Variants in FRMD6 observed in about 807,000 individuals in gnomAD.
FRMD6 encodes FERM domain containing 6.
In FRMD6, 37 loss-of-function variants were observed where a neutral mutation model predicts 73.2. The ratio of observed to expected loss-of-function variants is 0.51; its 90% CI spans 0.39 to 0.66. FRMD6 has a LOEUF of 0.66. Ranked by LOEUF, FRMD6 falls within the 30% of genes least tolerant of loss-of-function variation. FRMD6 has a pLI of 0.00. For missense variants in FRMD6, 714 were observed against 780.5 expected (o/e 0.91, Z 1.02); for synonymous variants, 273 against 282.2 (o/e 0.97, Z 0.33).
chr14:51,526,950 G>A (rs1885287483), intron 1 of FRMD6, among the ~76,000 whole-genome samples: 1 of 152,172 alleles, frequency 6.6e-6, no homozygotes, highest in Admixed American at 6.5e-5. Context: ...CTAAATACCT[G>A]GCAAGAAGGA....
At chr14:51,423,927 A>G in the FRMD6 span, among the ~76,000 whole-genome samples, 1,544 of 152,350 alleles carry the variant, frequency 0.01, 13 homozygotes, top group Non-Finnish European at 0.017. Flanking sequence ...AAAATGTATA[A>G]TTCTTGAATA....
the FRMD6 span, among the ~76,000 whole-genome samples, chr14:51,455,988 G>A: frequency 6.6e-6 from 1 of 152,174 alleles, no homozygotes; most frequent in African/African-American, 2.4e-5. Context: ...TTTTCAGGCA[G>A]TGGGTGGGTG....
chr14:51,535,479 A>G lies in FRMD6; in HGVS notation c.-209-34869A>G, dbSNP rs534537687. Among the ~76,000 whole-genome samples the G allele has an allele frequency of 2.0e-5, 3 of 152,352 alleles. No homozygotes were observed. In the South Asian group the frequency reaches 6.2e-4, roughly 32 times the overall value. On this transcript the variant is annotated intron_variant, in intron 1 of 14. Transcript: ENST00000356218. The stretch of plus-strand genomic sequence containing the variant: ...TGCCTATTATGGACATGGAATATGT[A>G]TAGTCTTTTGAGACTGGCTTCTTTC...
At chr14:51,422,680 G>T in the FRMD6 span, among the ~76,000 whole-genome samples, 16 of 152,244 alleles carry the variant, frequency 1.1e-4, no homozygotes, top group South Asian at 2.9e-3. Flanking sequence ...TCATATTTTG[G>T]AAACATTTCA....
chr14:51,434,688 A>G, the FRMD6 span, among the ~76,000 whole-genome samples: 1 of 152,218 alleles, frequency 6.6e-6, no homozygotes, highest in Non-Finnish European at 1.5e-5. Context: ...ATCATTGGGC[A>G]CTAAAATTAA....
chr14:51,478,323 G>A, the FRMD6 span, among the ~76,000 whole-genome samples: 1 of 152,140 alleles, frequency 6.6e-6, no homozygotes, highest in Non-Finnish European at 1.5e-5. Context: ...CTTCTCATTG[G>A]ATTTTTTTTC....
chr14:51,500,740 A>G (rs1883571956), intron 1 of FRMD6, among the ~76,000 whole-genome samples: 1 of 152,128 alleles, frequency 6.6e-6, no homozygotes, highest in Non-Finnish European at 1.5e-5. Context: ...GATTATATAT[A>G]TGTACATATA....
chr14:51,493,461 T>C (rs993463873), intron 1 of FRMD6, among the ~76,000 whole-genome samples: 5 of 152,142 alleles, frequency 3.3e-5, no homozygotes, highest in Non-Finnish European at 5.9e-5. Context: ...CGAGATCTGA[T>C]GGTTTTATAA....
chr14:51,429,690 A>G, the FRMD6 span, among the ~76,000 whole-genome samples: 2 of 152,222 alleles, frequency 1.3e-5, no homozygotes, highest in Non-Finnish European at 2.9e-5. Context: ...ACAAAGTCCC[A>G]GCTTTGACAT....
the FRMD6 span, among the ~76,000 whole-genome samples, chr14:51,408,295 G>A: frequency 2.0e-5 from 3 of 151,724 alleles, no homozygotes; most frequent in African/African-American, 7.3e-5. Context: ...TAGTAGCTGG[G>A]ACTACAGACA....
At chr14:51,409,293 G>A in the FRMD6 span, among the ~76,000 whole-genome samples, 1 of 147,924 alleles carries the variant, frequency 6.8e-6, no homozygotes, top group African/African-American at 2.5e-5. Flanking sequence ...GCCAGCCTAA[G>A]TGCTCGACTT....
the FRMD6 span, among the ~76,000 whole-genome samples, chr14:51,440,112 C>G: frequency 2.0e-5 from 3 of 152,260 alleles, no homozygotes; most frequent in Admixed American, 1.3e-4. Flanking sequence ...AGCGCAGCGC[C>G]CTTGATCTAT....
intron 1 of FRMD6, among the ~76,000 whole-genome samples, chr14:51,548,317 C>T (rs1325235476): frequency 6.6e-6 from 1 of 152,188 alleles, no homozygotes; most frequent in Non-Finnish European, 1.5e-5. Context: ...TCCCCACTTT[C>T]TTCCTGGGAC....
At chr14:51,712,658 A>G in intron 9 of FRMD6, 107 bp downstream of exon 9, 1 of 717,692 alleles carries the variant, frequency 1.4e-6, no homozygotes. Flanking sequence ...CTCAGGCACA[A>G]AAGCTGTTAT....
chr14:51,457,264 G>A, the FRMD6 span, among the ~76,000 whole-genome samples: 1 of 151,978 alleles, frequency 6.6e-6, no homozygotes, highest in South Asian at 2.1e-4. Flanking sequence ...TACAATTATT[G>A]TGTCAGTTAA....
chr14:51,654,394 A>G (rs1269652342), intron 1 of FRMD6, among the ~76,000 whole-genome samples: 1 of 151,890 alleles, frequency 6.6e-6, no homozygotes, highest in Non-Finnish European at 1.5e-5. Flanking sequence ...TTATGATGTA[A>G]TAGACTGCGT....
At chr14:51,587,603 T>G (rs1439294233) in intron 2 of FRMD6, among the ~76,000 whole-genome samples, 3 of 152,168 alleles carry the variant, frequency 2.0e-5, no homozygotes, top group Non-Finnish European at 4.4e-5. Context: ...GCTTTTGATC[T>G]GGGTGATCTA....
intron 1 of FRMD6, among the ~76,000 whole-genome samples, chr14:51,530,590 C>T (rs912007296): frequency 2.0e-5 from 3 of 152,090 alleles, no homozygotes; most frequent in Non-Finnish European, 2.9e-5. Flanking sequence ...AAGTGATCCT[C>T]CTGCCTCGGC....
intron 2 of FRMD6, among the ~76,000 whole-genome samples, chr14:51,636,618 T>C (rs1721031767): frequency 6.6e-6 from 1 of 152,232 alleles, no homozygotes; most frequent in Non-Finnish European, 1.5e-5. Flanking sequence ...TATAAAATGC[T>C]GTCCAAGTGT....
Sources: gnomAD v4.1 joint callset for allele counts (sites outside exome capture counted in the v4.1 genomes callset) on GRCh38, gnomAD v4.1.1 for gene constraint, MANE v1.5 for transcripts, NCBI Gene and HGNC (gene_info 2026-07-23, HGNC 2026-07-21) for gene names.